TPRG1: variants seen among roughly 807,000 people sequenced by gnomAD.
TPRG1 encodes tumor protein p63 regulated 1, also known as tumor protein p63-regulated gene 1 protein.
Under a neutral mutation model 29.3 loss-of-function variants are expected in TPRG1, and 29 were observed. That is an observed-to-expected ratio of 0.99 (90% CI 0.74 to 1.35). TPRG1 has a LOEUF of 1.35. Among genes scored for constraint, TPRG1 ranks in the 40% most tolerant of loss-of-function variants. The probability of loss-of-function intolerance (pLI) is 0.00; values close to 1 mark genes in which losing one functional copy is unlikely to be tolerated. For missense variants in TPRG1, 327 were observed against 335.0 expected, an observed-to-expected ratio of 0.98 and a Z score of 0.19; for synonymous variants, 130 against 116.8, an observed-to-expected ratio of 1.11 and a Z score of -0.73.
chr3:189,283,224 T>C (rs917213142), intron 4 of TPRG1, among the ~76,000 whole-genome samples: 1 of 152,214 alleles, frequency 6.6e-6, no homozygotes, highest in Non-Finnish European at 1.5e-5. Flanking sequence ...CCTCAATTAT[T>C]CGTGCTTCAT....
At chr3:189,271,117 T>C (rs771971080) in intron 4 of TPRG1, among the ~76,000 whole-genome samples, 1 of 152,196 alleles carries the variant, frequency 6.6e-6, no homozygotes, top group Non-Finnish European at 1.5e-5. Context: ...GTGAAGTCAC[T>C]TTACTAAAGT....
intron 4 of TPRG1, among the ~76,000 whole-genome samples, chr3:189,049,211 T>C (rs546723611): frequency 6.6e-6 from 1 of 152,324 alleles, no homozygotes; most frequent in East Asian, 1.9e-4. Context: ...ACTAAAGCCC[T>C]TTTCTCTTGC....
chr3:189,277,051 A>G (rs747725836), intron 4 of TPRG1, among the ~76,000 whole-genome samples: 2 of 152,084 alleles, frequency 1.3e-5, no homozygotes, highest in Non-Finnish European at 2.9e-5. Context: ...ACTGGGTGAG[A>G]CGCTGCTCGA....
At chr3:189,208,011 T>C (rs1734675568) in intron 2 of TPRG1, among the ~76,000 whole-genome samples, 1 of 152,144 alleles carries the variant, frequency 6.6e-6, no homozygotes, top group African/African-American at 2.4e-5. Flanking sequence ...TCGCACTGAC[T>C]CTCTAAAGTT....
At chr3:189,192,574 C>T (rs1199724019) in intron 1 of TPRG1, among the ~76,000 whole-genome samples, 1 of 152,104 alleles carries the variant, frequency 6.6e-6, no homozygotes. Context: ...TTATAATGAT[C>T]CTCAAGAGAT....
At chr3:189,220,205 T>A (rs1736737509) in intron 3 of TPRG1, among the ~76,000 whole-genome samples, 1 of 152,134 alleles carries the variant, frequency 6.6e-6, no homozygotes, top group Admixed American at 6.6e-5. Flanking sequence ...GTGCAAAGAC[T>A]CCCCATTTAA....
chr3:189,187,321 T>G (rs1237498693), intron 1 of TPRG1, among the ~76,000 whole-genome samples: 2 of 151,656 alleles, frequency 1.3e-5, no homozygotes, highest in African/African-American at 2.4e-5. Flanking sequence ...TTTTTGTTTT[T>G]TTTGAGATGG....
At chr3:189,200,822 C>T (rs73889111) in intron 1 of TPRG1, among the ~76,000 whole-genome samples, 7,203 of 152,226 alleles carry the variant, frequency 0.047, 574 homozygotes, top group African/African-American at 0.16. Context: ...GTGGATGCTA[C>T]AGTTTGAAAG....
chr3:189,315,167 A>G (rs1723284808), intron 5 of TPRG1, among the ~76,000 whole-genome samples: 1 of 152,156 alleles, frequency 6.6e-6, no homozygotes, highest in Non-Finnish European at 1.5e-5. Context: ...TCTTTAAAAA[A>G]AAATGAGGAC....
At chr3:189,145,217 C>A (rs1234081044) in intron 3 of TPRG1, among the ~76,000 whole-genome samples, 1 of 151,980 alleles carries the variant, frequency 6.6e-6, no homozygotes, top group African/African-American at 2.4e-5. Flanking sequence ...CAAAAATTAA[C>A]TGGGCGTGGT....
chr3:189,202,212 T>A (rs1289118669), intron 1 of TPRG1, among the ~76,000 whole-genome samples: 1 of 152,198 alleles, frequency 6.6e-6, no homozygotes, highest in East Asian at 1.9e-4. Context: ...AAGAATCATC[T>A]TAAGATCATG....
At chr3:189,141,048 C>G (rs1724483451) in intron 3 of TPRG1, among the ~76,000 whole-genome samples, 1 of 152,192 alleles carries the variant, frequency 6.6e-6, no homozygotes. Flanking sequence ...ATAAAATAGA[C>G]TCTCCTTGAA....
At chr3:189,166,890 T>G (rs1560506947) in intron 5 of TPRG1, among the ~76,000 whole-genome samples, 1 of 152,212 alleles carries the variant, frequency 6.6e-6, no homozygotes, top group Non-Finnish European at 1.5e-5. Flanking sequence ...TATCCGAGTC[T>G]GCCGGTGACT....
At chr3:189,173,106 T>TA (rs1205849613) in intron 1 of TPRG1, among the ~76,000 whole-genome samples, 2 of 152,196 alleles carry the variant, frequency 1.3e-5, no homozygotes, top group African/African-American at 4.8e-5. Flanking sequence ...CTTTTTAAGA[T>TA]GCTAATTTTA....
chr3:189,099,348 C>T (rs1002674611), upstream of TPRG1, among the ~76,000 whole-genome samples: 19 of 151,838 alleles, frequency 1.3e-4, no homozygotes, highest in African/African-American at 4.6e-4. Flanking sequence ...CTTGCGCTGA[C>T]GAAGTGGATT....
chr3:189,249,524 T>C (rs1291128502), intron 4 of TPRG1, among the ~76,000 whole-genome samples: 2 of 151,970 alleles, frequency 1.3e-5, no homozygotes, highest in Non-Finnish European at 2.9e-5. Flanking sequence ...TCTTTTTCTT[T>C]TAATGGGTAA....
intron 4 of TPRG1, among the ~76,000 whole-genome samples, chr3:189,067,711 A>C (rs529988143): frequency 1.3e-5 from 2 of 152,352 alleles, no homozygotes; most frequent in Non-Finnish European, 2.9e-5. Flanking sequence ...ACCTCAAGCT[A>C]TGAAACTACT....
chr3:189,305,847 C>T (rs1721548144), intron 4 of TPRG1, among the ~76,000 whole-genome samples: 1 of 152,222 alleles, frequency 6.6e-6, no homozygotes, highest in Admixed American at 6.5e-5. Context: ...TGGGACCCTT[C>T]CCCTGCCTCT....
At chr3:189,292,659 T>G (rs1719214028) in intron 4 of TPRG1, among the ~76,000 whole-genome samples, 1 of 152,204 alleles carries the variant, frequency 6.6e-6, no homozygotes, top group Non-Finnish European at 1.5e-5. Flanking sequence ...GAGAACAATT[T>G]CAGGGGTGGC....
Sources: gnomAD v4.1 joint callset for allele counts (sites outside exome capture counted in the v4.1 genomes callset) on GRCh38, gnomAD v4.1.1 for gene constraint, MANE v1.5 for transcripts, NCBI Gene and HGNC (gene_info 2026-07-23, HGNC 2026-07-21) for gene names.